Variants in MIER1 observed in about 807,000 individuals in gnomAD.
MIER1 encodes the protein MIER1 transcriptional regulator, also known as mesoderm induction early response protein 1.
A neutral mutation model predicts 75.7 loss-of-function variants in MIER1; 40 were observed. The observed-to-expected ratio is 0.53, with a 90% CI of 0.41 to 0.69. The LOEUF is 0.69. Among genes scored for constraint, MIER1 ranks in the 30% least tolerant of loss-of-function variants. The pLI, the probability that MIER1 is intolerant of heterozygous loss-of-function variation, is 0.00. For synonymous variants in MIER1, 213 were observed against 223.4 expected, an observed-to-expected ratio of 0.95 and a Z score of 0.42; for missense variants, 574 against 680.2, an observed-to-expected ratio of 0.84 and a Z score of 1.74.
intron 4 of MIER1, among the ~76,000 whole-genome samples, chr1:66,949,873 A>G (rs893040648): frequency 1.3e-5 from 2 of 152,220 alleles, no homozygotes; most frequent in South Asian, 2.1e-4. Context: ...AGGAAATATC[A>G]ATAACTGTAT....
intron 9 of MIER1, 31 bp downstream of exon 9, chr1:66,970,990 GC>G: frequency 6.4e-7 from 1 of 1,551,506 alleles, no homozygotes; most frequent in South Asian, 1.3e-5. Context: ...TTAGAACTTT[GC>G]CATACACATT....
intron 13 of MIER1, among the ~76,000 whole-genome samples, chr1:66,982,473 A>C (rs1666093407): frequency 6.6e-6 from 1 of 152,228 alleles, no homozygotes; most frequent in African/African-American, 2.4e-5. Context: ...TTTGAGGTTC[A>C]GATAGTGTTT....
chr1:66,930,614 C>G (rs1178564629), intron 2 of MIER1, among the ~76,000 whole-genome samples: 5 of 151,732 alleles, frequency 3.3e-5, no homozygotes. Flanking sequence ...CGTACTTGGA[C>G]TTCGGGGGCA....
At chr1:66,980,015 C>T (rs893787829) in intron 12 of MIER1, among the ~76,000 whole-genome samples, 3 of 152,170 alleles carry the variant, frequency 2.0e-5, no homozygotes, top group South Asian at 4.1e-4. Context: ...CCACCTGCCT[C>T]GGCCTCCCAA....
In MIER1 at chr1:66,980,083, C is replaced by G. The variant is rs1019437859; in HGVS notation, c.1230-1696C>G. ...CCGGCCTTGCTTTGGCTTTTAACTT[C>G]CTTCATATTATCCATTCCCACTATA... is the stretch of plus-strand genomic sequence containing the variant. On this transcript the variant is annotated intron_variant, in intron 12 of 13. Coordinates refer to ENST00000401041, the MANE Select transcript of MIER1 (RefSeq NM_001077700.3). 2.0e-5 allele frequency among the ~76,000 whole-genome samples: 3 copies of G among 152,076 alleles called. No homozygotes were observed. In the South Asian group the frequency reaches 6.2e-4, roughly 31 times the overall value.
intron 3 of MIER1, among the ~76,000 whole-genome samples, chr1:66,945,292 TATATATATATATATATATATATATA>T (rs1657290920): frequency 2.2e-4 from 2 of 8,956 alleles, no homozygotes; most frequent in African/African-American, 3.6e-4. Context: ...TATATATATA[TATATATATATATATATATATATATA>T]AAATACCTAA....
chr1:66,969,773 C>T (rs2101859925), intron 8 of MIER1, among the ~76,000 whole-genome samples: 1 of 152,256 alleles, frequency 6.6e-6, no homozygotes, highest in South Asian at 2.1e-4. Flanking sequence ...CACCTCTACT[C>T]TCTAGCTACT....
chr1:66,964,063 A>T (rs957343547), intron 8 of MIER1, among the ~76,000 whole-genome samples: 4 of 151,696 alleles, frequency 2.6e-5, no homozygotes, highest in African/African-American at 9.7e-5. Context: ...ATAACATACA[A>T]TACTTGAAGA....
At chr1:66,969,475 G>A (rs1476438720) in intron 8 of MIER1, among the ~76,000 whole-genome samples, 2 of 149,362 alleles carry the variant, frequency 1.3e-5, no homozygotes, top group African/African-American at 2.5e-5. Flanking sequence ...AACCTGGGAG[G>A]CGGAGGTTGC....
chr1:66,927,068 T>C (rs1651993180), intron 2 of MIER1, among the ~76,000 whole-genome samples: 1 of 152,178 alleles, frequency 6.6e-6, no homozygotes, highest in South Asian at 2.1e-4. Context: ...TCCTAAATGC[T>C]TTTGTTAAAA....
intron 13 of MIER1, among the ~76,000 whole-genome samples, chr1:66,983,079 A>G (rs900548928): frequency 1.3e-5 from 2 of 152,234 alleles, no homozygotes; most frequent in African/African-American, 2.4e-5. Context: ...TTAGGCTAGG[A>G]AAGTGTTCAT....
chr1:66,940,264 GGTTTTC>G, intron 3 of MIER1: 1 of 333,644 alleles, frequency 3.0e-6, no homozygotes, highest in Non-Finnish European at 5.2e-6. Context: ...ACTATTTTTG[GGTTTTC>G]TTTTTTTTTT....
intron 4 of MIER1, chr1:66,948,316 C>T (rs1014682166): frequency 5.8e-6 from 4 of 688,908 alleles, no homozygotes; most frequent in African/African-American, 3.9e-5. Context: ...ATTTGGAATA[C>T]ATAATATCAT....
chr1:66,955,772 C>A (rs961929773), intron 4 of MIER1, among the ~76,000 whole-genome samples: 3 of 151,924 alleles, frequency 2.0e-5, no homozygotes, highest in South Asian at 2.1e-4. Context: ...CTTTTGGGGC[C>A]CTTATTCATA....
At chr1:66,974,949 G>T (rs772752573) in intron 11 of MIER1, among the ~76,000 whole-genome samples, 2 of 152,104 alleles carry the variant, frequency 1.3e-5, no homozygotes, top group African/African-American at 2.4e-5. Context: ...AGTTGACTTA[G>T]TTCGAATCTA....
At chr1:66,925,885 A>G (rs1651612611) in intron 1 of MIER1, among the ~76,000 whole-genome samples, 2 of 152,220 alleles carry the variant, frequency 1.3e-5, no homozygotes, top group African/African-American at 2.4e-5. Flanking sequence ...CCGCTTCACC[A>G]AGATGACCCG....
chr1:66,974,100 T>G (rs189963094), intron 11 of MIER1, among the ~76,000 whole-genome samples: 134 of 149,242 alleles, frequency 9.0e-4, no homozygotes, highest in Non-Finnish European at 1.4e-3. Context: ...ATTTTTATTA[T>G]TTTTTTTTTA....
At chr1:66,950,030 T>C (rs553338934) in intron 4 of MIER1, among the ~76,000 whole-genome samples, 2 of 152,346 alleles carry the variant, frequency 1.3e-5, no homozygotes, top group East Asian at 3.9e-4. Context: ...ATTGGGTGTA[T>C]AGGTTATTAT....
At position 66,987,987 on chromosome 1, in the gene MIER1, A is replaced by G. The variant is rs952228181; in HGVS notation, c.*3087A>G. On this transcript the variant is annotated 3_prime_UTR_variant, in exon 14 of 14. Coordinates refer to ENST00000401041, the MANE Select transcript of MIER1 (RefSeq NM_001077700.3). ...GTTCCCGTATTTTGTAGTGGAGTTC[A>G]TATCACATTATGTTTTGCAAAATAA... 3 of 152,320 alleles carry G rather than the reference A, an allele frequency of 2.0e-5. No individual in the cohort carries two copies. The highest frequency in any genetic ancestry group is 4.4e-5 in the Non-Finnish European group (3 of 68,014). The allele number at this position is 152,320 out of a possible 1,614,324, so 9.4% of individuals were successfully genotyped here.
Sources: gnomAD v4.1 joint callset for allele counts (sites outside exome capture counted in the v4.1 genomes callset) on GRCh38, gnomAD v4.1.1 for gene constraint, MANE v1.5 for transcripts, NCBI Gene and HGNC (gene_info 2026-07-23, HGNC 2026-07-21) for gene names.